GRAMD2A: variants seen among roughly 807,000 people sequenced by gnomAD.
GRAMD2A encodes the protein GRAM domain-containing protein 2A.
Under a neutral mutation model 51.1 loss-of-function variants are expected in GRAMD2A, and 37 were observed. That is an observed-to-expected ratio of 0.72 (90% CI 0.56 to 0.95). GRAMD2A has a LOEUF of 0.95. Ranked by LOEUF, GRAMD2A falls within the 40% of genes least tolerant of loss-of-function variation. GRAMD2A has a pLI of 0.00. For missense variants in GRAMD2A, 414 were observed against 426.9 expected, an observed-to-expected ratio of 0.97 and a Z score of 0.27; for synonymous variants, 136 against 157.1, an observed-to-expected ratio of 0.87 and a Z score of 1.01.
chr15:72,164,998 G>T (rs1023746150), intron 8 of GRAMD2A, among the ~76,000 whole-genome samples: 1 of 152,248 alleles, frequency 6.6e-6, no homozygotes, highest in Admixed American at 6.5e-5. Context: ...AATTAGCTGA[G>T]TGTGATGGCA....
rs188224985 is a variant in GRAMD2A at position 72,189,109 on chromosome 15, T to C, written c.41+8622A>G. On this transcript the variant is annotated intron_variant, in intron 1 of 11. Coordinates refer to ENST00000309731, the MANE Select transcript of GRAMD2A (RefSeq NM_001012642.3). ...TTAGAATAAACATACTATTTTCATT[T>C]AGTAAAAGAATTTTTAAAAAGGAGG... 4.8e-3 allele frequency among the ~76,000 whole-genome samples: 729 copies of C among 152,336 alleles called. 5 individuals are homozygous for C. The highest frequency in any genetic ancestry group is 7.8e-3 in the Non-Finnish European group (529 of 68,026).
At chr15:72,190,204 G>A (rs1435569655) in intron 1 of GRAMD2A, among the ~76,000 whole-genome samples, 3 of 151,974 alleles carry the variant, frequency 2.0e-5, no homozygotes, top group African/African-American at 4.8e-5. Flanking sequence ...GTGAAACCCC[G>A]TGTCTACTAA....
intron 9 of GRAMD2A, 61 bp from the exon 10 acceptor site, chr15:72,163,537 C>G (rs2081505356): frequency 1.9e-6 from 3 of 1,597,628 alleles, no homozygotes; most frequent in Non-Finnish European, 2.6e-6. Context: ...TGTGGTGAGC[C>G]CTTTTTATGG....
rs1020860482 is a variant in GRAMD2A, at chr15:72,197,231, C to G, written c.41+500G>C. Among the ~76,000 whole-genome samples, 5 of 152,304 alleles carry G rather than the reference C, an allele frequency of 3.3e-5. No individual in the cohort carries two copies. The South Asian group carries it at 6.2e-4, about 19-fold the overall frequency. ...TGCTGAGACAGCTCCGAGCTGCCTC[C>G]CCGCAGCCGCGGGCCGCTACAATAC... On this transcript the variant is annotated intron_variant, in intron 1 of 11. Transcript: ENST00000309731.
At chr15:72,194,021 C>T (rs1308515685) in intron 1 of GRAMD2A, among the ~76,000 whole-genome samples, 1 of 152,190 alleles carries the variant, frequency 6.6e-6, no homozygotes, top group Admixed American at 6.5e-5. Context: ...TCTGCCCTCC[C>T]CCTCCTCCTT....
rs1230888485 is a variant in GRAMD2A at position 72,163,304 on chromosome 15, C to T, written c.918G>A (p.Arg306=). The T allele has an allele frequency of 3.7e-6, 6 of 1,614,036 alleles. No homozygotes were observed. The highest frequency in any genetic ancestry group is 1.3e-5 in the African/African-American group (1 of 74,926). Residue 306 remains arginine (R), a synonymous_variant, in exon 10 of 12, where the codon AGG becomes AGA. Transcript: ENST00000309731. ...CCTTGAGGAGCCGGTAATCCCAGAG[C>T]CTCAGCTCCCCAGTGCTCCTGGGCT... is the stretch of plus-strand genomic sequence containing the variant. The part of the protein sequence containing the change: ...EEEPRSTGEL[R]LWDYRLLKVF...
At chr15:72,193,683 T>C (rs1161117344) in intron 1 of GRAMD2A, among the ~76,000 whole-genome samples, 1 of 151,904 alleles carries the variant, frequency 6.6e-6, no homozygotes, top group Non-Finnish European at 1.5e-5. Context: ...CCACCATGCC[T>C]GGCTAATTTT....
Position 72,166,806 on chromosome 15 carries a change from G to T in GRAMD2A, c.472-103C>A. The T allele has an allele frequency of 9.3e-7, 1 of 1,070,828 alleles. No individual in the cohort carries two copies. Among genetic ancestry groups the T allele is most frequent in the Non-Finnish European group, 1.4e-6 (1 of 700,076 alleles). The allele number at this position is 1,070,828 out of a possible 1,614,324, so 66.3% of individuals were successfully genotyped here. A position where few individuals can be genotyped will look rare whatever the true frequency, so the allele number is the denominator to read the frequency against. On this transcript the variant is annotated intron_variant, in intron 6 of 11. Transcript: ENST00000309731. This position sits in a 1 kb window ranked among gnomAD's most constrained non-coding sequence, Gnocchi z 4.1. ...TGGGCACAGGCCCACAGGGGTATCA[G>T]GCCATGAGAGCCAACAGAAGCTCTG...
At chr15:72,167,866 C>A (rs902678358) in intron 4 of GRAMD2A, 27 bp from the exon 5 acceptor site, 3 of 1,562,978 alleles carry the variant, frequency 1.9e-6, no homozygotes, top group Non-Finnish European at 2.6e-6. Flanking sequence ...GAGAAAATGG[C>A]CATAAGCAAG....
At position 72,197,347 on chromosome 15, in the gene GRAMD2A, A is replaced by G. The variant is rs138957358; in HGVS notation, c.41+384T>C. Among the ~76,000 whole-genome samples the G allele has an allele frequency of 3.9e-3, 596 of 152,334 alleles. 5 individuals carry two copies. The highest frequency in any genetic ancestry group is 0.013 in the African/African-American group (560 of 41,588). On this transcript the variant is annotated intron_variant, in intron 1 of 11. Transcript: ENST00000309731. ...CGGGGGCAATTAGGACTGGGAGTCG[A>G]TACCGCGGGCAACGAATGATGAATG...
At chr15:72,179,039 C>T (rs956153755) in intron 1 of GRAMD2A, among the ~76,000 whole-genome samples, 1 of 152,140 alleles carries the variant, frequency 6.6e-6, no homozygotes, top group Non-Finnish European at 1.5e-5. Flanking sequence ...GAGTTGGGGT[C>T]CCACTCAGCT....
intron 1 of GRAMD2A, among the ~76,000 whole-genome samples, chr15:72,196,661 T>C (rs2081807321): frequency 6.6e-6 from 1 of 152,080 alleles, no homozygotes; most frequent in African/African-American, 2.4e-5. Flanking sequence ...CAGGTGGACA[T>C]GGGGTGAAGA....
chr15:72,193,345 T>A (rs920192167), intron 1 of GRAMD2A, among the ~76,000 whole-genome samples: 65 of 150,326 alleles, frequency 4.3e-4, no homozygotes, highest in Non-Finnish European at 1.9e-4. Flanking sequence ...GCCTCCCTAG[T>A]AGCTGAAATT....
chr15:72,162,776 A>C (rs1596673561), intron 10 of GRAMD2A: 1 of 209,466 alleles, frequency 4.8e-6, no homozygotes, highest in Non-Finnish European at 9.7e-6. Context: ...GATGGTCAAA[A>C]CCCGGCCAGC....
intron 1 of GRAMD2A, among the ~76,000 whole-genome samples, chr15:72,188,620 G>A (rs541878065): frequency 7.6e-4 from 115 of 152,114 alleles, no homozygotes; most frequent in South Asian, 1.7e-3. Flanking sequence ...TTTCCTCCAC[G>A]AATTGGGATT....
In GRAMD2A at chr15:72,161,883, TG is replaced by T; in HGVS notation, c.*125del. ...AGAGCTGCGGGGAGGAGGAGGGATC[TG>T]GAATATTTTCCTTCATAGGCAGTCT... On this transcript the variant is annotated 3_prime_UTR_variant, in exon 12 of 12. Coordinates refer to ENST00000309731, the MANE Select transcript of GRAMD2A (RefSeq NM_001012642.3). 1.1e-6 allele frequency: 1 copy of T among 941,984 alleles called. No homozygotes were observed. Among genetic ancestry groups the T allele is most frequent in the Non-Finnish European group, 1.8e-6 (1 of 571,206 alleles). 58.4% of individuals were successfully genotyped at this position (941,984 alleles called of 1,614,324 possible). A position where few individuals can be genotyped will look rare whatever the true frequency, so the allele number is the denominator to read the frequency against.
intron 1 of GRAMD2A, among the ~76,000 whole-genome samples, chr15:72,194,975 G>A (rs1367625464): frequency 1.3e-5 from 2 of 152,140 alleles, no homozygotes; most frequent in African/African-American, 2.4e-5. Flanking sequence ...GGTGTGAGCC[G>A]CCGCGCCCGG....
intron 7 of GRAMD2A, 57 bp from the exon 8 acceptor site, chr15:72,165,467 A>C (rs1394567697): frequency 1.3e-6 from 2 of 1,535,124 alleles, no homozygotes; most frequent in Admixed American, 1.7e-5. Flanking sequence ...AAGGTCAGGC[A>C]GGGGGAAGCA....
In GRAMD2A at chr15:72,163,325, G is replaced by C. The variant is rs368601258; in HGVS notation, c.897C>G (p.Pro299=). The C allele has an allele frequency of 1.9e-6, 3 of 1,612,806 alleles. No homozygotes were observed. The highest frequency in any genetic ancestry group is 2.5e-6 in the Non-Finnish European group (3 of 1,178,946). The change falls in exon 10 of 12, where the codon CCC becomes CCG. Residue 299 remains proline, a synonymous_variant. Transcript: ENST00000309731. ...AGAGCCTCAGCTCCCCAGTGCTCCT[G>C]GGCTCCTCCTCCAGCTCATCCTCCT... The part of the protein sequence containing the change: ...VYEEDELEEE[P]RSTGELRLWD...
Sources: allele counts gnomAD v4.1 joint callset (sites outside exome capture counted in the v4.1 genomes callset), GRCh38; gene constraint gnomAD v4.1.1; non-coding constraint Gnocchi (gnomAD v3.1); transcripts MANE v1.5; gene names NCBI Gene and HGNC (gene_info 2026-07-23, HGNC 2026-07-21).